The following ADAMTSL1 variants were observed in gnomAD, a reference collection of about 807,000 sequenced individuals.
The protein encoded by ADAMTSL1 is ADAMTS-like protein 1.
ADAMTSL1 carries 126 observed loss-of-function variants against 201.8 expected under a neutral mutation model. The observed-to-expected ratio is 0.62, with a 90% confidence interval of 0.54 to 0.72. The LOEUF is 0.72. Among genes scored for constraint, ADAMTSL1 ranks in the 30% least tolerant of loss-of-function variants. The pLI is 0.00. For synonymous variants in ADAMTSL1, 1,121 were observed against 903.4 expected, an observed-to-expected ratio of 1.24 and a Z score of -4.32; for missense variants, 2,679 against 2,277.8, an observed-to-expected ratio of 1.18 and a Z score of -3.59.
chr9:18,093,408 TC>T (rs1401235757), intron 1 of ADAMTSL1, among the ~76,000 whole-genome samples: 2 of 152,184 alleles, frequency 1.3e-5, no homozygotes, highest in African/African-American at 4.8e-5. Context: ...TGCTGTGTAT[TC>T]CCCCTACTCT....
chr9:18,825,292 C>G (rs1287146376), intron 21 of ADAMTSL1, among the ~76,000 whole-genome samples: 1 of 152,150 alleles, frequency 6.6e-6, no homozygotes, highest in Admixed American at 6.5e-5. Context: ...GAGCACAGAG[C>G]CTGGCTTCCA....
Position 18,892,604 on chromosome 9 carries a change from G to C in ADAMTSL1, c.4851+8G>C, listed in dbSNP as rs779888788. On this transcript the variant is annotated splice_region_variant and intron_variant, in intron 26 of 28. Coordinates refer to ENST00000380548, the MANE Select transcript of ADAMTSL1 (RefSeq NM_001040272.6). ...TTCTCCAGCTGGGGCCAGGTGAGGA[G>C]CCAGAGAGGTTGTTATTTGAAAGCT... The C allele has an allele frequency of 6.4e-7, 1 of 1,553,144 alleles. No individual in the cohort carries two copies. Among genetic ancestry groups the C allele is most frequent in the Admixed American group, 2.0e-5 (1 of 51,206 alleles).
At chr9:18,372,121 A>G (rs1837070743) in intron 2 of ADAMTSL1, among the ~76,000 whole-genome samples, 1 of 152,252 alleles carries the variant, frequency 6.6e-6, no homozygotes, top group Non-Finnish European at 1.5e-5. Flanking sequence ...TTTAGAGAGC[A>G]AAATCTGAGA....
intron 26 of ADAMTSL1, among the ~76,000 whole-genome samples, chr9:18,904,037 A>T (rs1232437323): frequency 2.0e-5 from 3 of 151,910 alleles, no homozygotes; most frequent in African/African-American, 7.3e-5. Context: ...AGGCATGATC[A>T]TGGTGCACTA....
At chr9:18,314,292 T>C (rs1360843120) in intron 2 of ADAMTSL1, among the ~76,000 whole-genome samples, 1 of 152,148 alleles carries the variant, frequency 6.6e-6, no homozygotes, top group African/African-American at 2.4e-5. Context: ...CTTCTCAAAA[T>C]TAAAAGTAGA....
chr9:18,432,438 A>C (rs1370081660), intron 2 of ADAMTSL1, among the ~76,000 whole-genome samples: 1 of 152,228 alleles, frequency 6.6e-6, no homozygotes, highest in Non-Finnish European at 1.5e-5. Context: ...ATAACCAAAA[A>C]TTATCAAATG....
At chr9:18,857,430 C>A (rs1342140311) in intron 23 of ADAMTSL1, among the ~76,000 whole-genome samples, 1 of 152,146 alleles carries the variant, frequency 6.6e-6, no homozygotes, top group Non-Finnish European at 1.5e-5. Context: ...AGATGATAGG[C>A]CTATTATTTT....
chr9:18,757,995 C>G (rs1224790005), intron 16 of ADAMTSL1, among the ~76,000 whole-genome samples: 3 of 152,218 alleles, frequency 2.0e-5, no homozygotes, highest in South Asian at 2.1e-4. Context: ...TTAATCCTCA[C>G]TATCCTATGT....
chr9:18,203,376 A>C (rs557059650), intron 2 of ADAMTSL1, among the ~76,000 whole-genome samples: 1 of 152,166 alleles, frequency 6.6e-6, no homozygotes, highest in East Asian at 1.9e-4. Flanking sequence ...AGTTGATTTG[A>C]CAAAGTCATA....
At chr9:17,970,528 G>A (rs1020468453) in intron 1 of ADAMTSL1, among the ~76,000 whole-genome samples, 9 of 151,994 alleles carry the variant, frequency 5.9e-5, no homozygotes, top group African/African-American at 1.7e-4. Flanking sequence ...TTAACTTGAT[G>A]CTTCAGTGAC....
chr9:18,378,938 G>A (rs370741351), intron 2 of ADAMTSL1, among the ~76,000 whole-genome samples: 2 of 152,178 alleles, frequency 1.3e-5, no homozygotes, highest in Non-Finnish European at 2.9e-5. Flanking sequence ...TCCAGATGAA[G>A]AATTAGCTTT....
intron 4 of ADAMTSL1, among the ~76,000 whole-genome samples, chr9:18,589,997 G>A (rs974730399): frequency 6.6e-6 from 1 of 152,050 alleles, no homozygotes; most frequent in African/African-American, 2.4e-5. Context: ...TTCCACATAC[G>A]TTCATGAAGG....
chr9:18,231,643 G>T (rs1830649273), intron 2 of ADAMTSL1, among the ~76,000 whole-genome samples: 1 of 152,116 alleles, frequency 6.6e-6, no homozygotes, highest in Non-Finnish European at 1.5e-5. Context: ...ATTTAACTCT[G>T]CTCTGAACAG....
intron 1 of ADAMTSL1, among the ~76,000 whole-genome samples, chr9:18,081,341 C>T (rs918510187): frequency 1.3e-5 from 2 of 151,888 alleles, no homozygotes; most frequent in Non-Finnish European, 2.9e-5. Flanking sequence ...GAATGAGTAT[C>T]TTTTTTTCAA....
intron 2 of ADAMTSL1, among the ~76,000 whole-genome samples, chr9:18,345,843 A>T (rs906202152): frequency 1.3e-5 from 2 of 152,094 alleles, no homozygotes; most frequent in African/African-American, 4.8e-5. Flanking sequence ...TTGGCCCCTT[A>T]GCATCCAGAA....
chr9:18,439,960 C>T (rs1173331487), intron 2 of ADAMTSL1, among the ~76,000 whole-genome samples: 1 of 152,166 alleles, frequency 6.6e-6, no homozygotes, highest in African/African-American at 2.4e-5. Context: ...TACTTCACAC[C>T]ATCCAGTAAC....
chr9:18,823,905 G>T (rs1588170353), intron 21 of ADAMTSL1, among the ~76,000 whole-genome samples: 1 of 152,152 alleles, frequency 6.6e-6, no homozygotes, highest in South Asian at 2.1e-4. Flanking sequence ...CAGGAGAATC[G>T]CTGGAACCCA....
At chr9:18,299,815 A>G (rs773287894) in intron 2 of ADAMTSL1, among the ~76,000 whole-genome samples, 5 of 151,626 alleles carry the variant, frequency 3.3e-5, no homozygotes. Flanking sequence ...GAAATATGAA[A>G]GACATCTACA....
At chr9:18,213,380 C>T (rs1181811814) in intron 2 of ADAMTSL1, among the ~76,000 whole-genome samples, 6 of 152,164 alleles carry the variant, frequency 3.9e-5, no homozygotes, top group Non-Finnish European at 7.4e-5. Context: ...GAGAACAAAA[C>T]ACTGTGTTCC....
Sources: gnomAD v4.1 joint callset for allele counts (sites outside exome capture counted in the v4.1 genomes callset) on GRCh38, gnomAD v4.1.1 for gene constraint, MANE v1.5 for transcripts, NCBI Gene and HGNC (gene_info 2026-07-23, HGNC 2026-07-21) for gene names.